AGBL1: variants seen among roughly 807,000 people sequenced by gnomAD.
AGBL1 encodes AGBL carboxypeptidase 1, also known as cytosolic carboxypeptidase 4.
Under a neutral mutation model 118.9 loss-of-function variants are expected in AGBL1, and 130 were observed. The observed-to-expected ratio is 1.09, with a 90% CI of 0.95 to 1.26. AGBL1 has a LOEUF of 1.26. Ranked by LOEUF, AGBL1 falls within the 50% of genes most tolerant of loss-of-function variation. The pLI, the probability that AGBL1 is intolerant of heterozygous loss-of-function variation, is 0.00. For synonymous variants in AGBL1, 555 were observed against 478.9 expected (o/e 1.16, Z -2.08); for missense variants, 1,584 against 1,298.1 (o/e 1.22, Z -3.38).
intron 22 of AGBL1, among the ~76,000 whole-genome samples, chr15:86,735,196 C>T (rs556063973): frequency 6.6e-6 from 1 of 152,166 alleles, no homozygotes; most frequent in African/African-American, 2.4e-5. Flanking sequence ...ATTCTCCTGC[C>T]TCAACTTCCC....
rs199936794 is a variant in AGBL1 at position 86,616,339 on chromosome 15, C to CAAAAA, written c.2995-57905_2995-57901dup. ...GTGACAGAGCAAGACTCCTCCACTTCAAAAAAAAAAAAAAAAAAAAAAAAA... is the reference window on the plus strand; with the variant it reads ...GTGACAGAGCAAGACTCCTCCACTTCAAAAAAAAAAAAAAAAAAAAAAAAAAAAAA... On this transcript the variant is annotated intron_variant, in intron 21 of 22. Coordinates refer to ENST00000614907, the MANE Select transcript of AGBL1 (RefSeq NM_001386094.1). 3.7e-4 allele frequency among the ~76,000 whole-genome samples: 18 copies of CAAAAA among 49,294 alleles called. 1 individual carries two copies. Among genetic ancestry groups the CAAAAA allele is most frequent in the Middle Eastern group, 0.013 (1 of 76 alleles). The allele number at this position is 49,294 out of a possible 152,430, so 32.3% of individuals were successfully genotyped here. A position where few individuals can be genotyped will look rare whatever the true frequency, so the allele number is the denominator to read the frequency against.
downstream of AGBL1, among the ~76,000 whole-genome samples, chr15:86,920,882 G>A (rs183118906): frequency 2.6e-5 from 4 of 152,274 alleles, no homozygotes; most frequent in East Asian, 7.7e-4. Context: ...GCTGGGATGT[G>A]AACATGGTGT....
intron 22 of AGBL1, among the ~76,000 whole-genome samples, chr15:86,854,855 C>T (rs980284743): frequency 6.6e-6 from 1 of 152,142 alleles, no homozygotes; most frequent in African/African-American, 2.4e-5. Flanking sequence ...TTTGATGATT[C>T]GCATGAAAAA....
rs1405989457 is a variant in AGBL1, at chr15:86,913,274, T to A, written c.*5980T>A. The A allele has an allele frequency of 6.6e-6, 1 of 151,900 alleles. No homozygotes were observed. The highest frequency in any genetic ancestry group is 6.6e-5 in the Admixed American group (1 of 15,228). 9.4% of individuals were successfully genotyped at this position (151,900 alleles called of 1,614,324 possible). Reference sequence around the variant, plus strand: ...ACAATGAGTGAGGGAAGGTTGATCCTCAGACACATGACACATGTTCATACA... The same window carrying A: ...ACAATGAGTGAGGGAAGGTTGATCCACAGACACATGACACATGTTCATACA... On this transcript the variant is annotated 3_prime_UTR_variant, in exon 23 of 23. Transcript: ENST00000614907.
intron 17 of AGBL1, among the ~76,000 whole-genome samples, chr15:86,338,947 A>G (rs1165962392): frequency 6.6e-6 from 1 of 152,178 alleles, no homozygotes; most frequent in Non-Finnish European, 1.5e-5. Context: ...GTAACCCTCT[A>G]CTAGAGGGTT....
chr15:86,496,682 C>T (rs2082859335), intron 18 of AGBL1, among the ~76,000 whole-genome samples: 1 of 151,728 alleles, frequency 6.6e-6, no homozygotes, highest in Non-Finnish European at 1.5e-5. Context: ...AGTTTGGAAG[C>T]TACTAATTAT....
At chr15:86,156,469 T>G (rs1455097072) in intron 4 of AGBL1, among the ~76,000 whole-genome samples, 1 of 152,188 alleles carries the variant, frequency 6.6e-6, no homozygotes, top group Non-Finnish European at 1.5e-5. Context: ...CTAAAGGCCC[T>G]ATCTCCAGAT....
intron 18 of AGBL1, among the ~76,000 whole-genome samples, chr15:86,448,724 A>G (rs1044882651): frequency 5.3e-5 from 8 of 152,154 alleles, no homozygotes; most frequent in African/African-American, 1.9e-4. Context: ...GGCCAGGTAG[A>G]CACAAGAATA....
At chr15:86,880,985 C>T (rs534329625) in intron 22 of AGBL1, among the ~76,000 whole-genome samples, 14 of 152,228 alleles carry the variant, frequency 9.2e-5, no homozygotes, top group Non-Finnish European at 1.9e-4. Flanking sequence ...ACACCCAGCC[C>T]TGAGCCTGCC....
chr15:86,934,148 T>C (rs2080638018), intron 23 of AGBL1, among the ~76,000 whole-genome samples: 1 of 152,188 alleles, frequency 6.6e-6, no homozygotes. Flanking sequence ...GTCAGAATTA[T>C]GATAAACAGC....
chr15:86,141,405 C>A (rs557938198), intron 1 of AGBL1, among the ~76,000 whole-genome samples: 1 of 152,192 alleles, frequency 6.6e-6, no homozygotes, highest in South Asian at 2.1e-4. Flanking sequence ...GCCTGTAATC[C>A]CTTTGGGAGG....
At chr15:86,192,949 C>T (rs972851829) in intron 5 of AGBL1, among the ~76,000 whole-genome samples, 3 of 152,048 alleles carry the variant, frequency 2.0e-5, no homozygotes, top group Admixed American at 2.0e-4. Flanking sequence ...ATTGAAAGCA[C>T]ACATAAGCAC....
intron 21 of AGBL1, among the ~76,000 whole-genome samples, chr15:86,653,454 C>T (rs527744080): frequency 7.2e-5 from 11 of 152,274 alleles, no homozygotes; most frequent in African/African-American, 2.4e-4. Context: ...AAACACGCCA[C>T]CAATAATCCA....
chr15:86,138,701 T>C (rs1300584569), intron 1 of AGBL1, among the ~76,000 whole-genome samples: 3 of 152,234 alleles, frequency 2.0e-5, no homozygotes, highest in South Asian at 2.1e-4. Context: ...TTTTCTCATC[T>C]CCTCATTTTC....
intron 5 of AGBL1, among the ~76,000 whole-genome samples, chr15:86,162,953 C>T (rs546309627): frequency 1.3e-5 from 2 of 152,356 alleles, no homozygotes; most frequent in Admixed American, 1.3e-4. Context: ...CTACTCTCCT[C>T]AAACATCCTC....
intron 22 of AGBL1, among the ~76,000 whole-genome samples, chr15:86,898,960 C>A (rs995612105): frequency 3.3e-5 from 5 of 152,120 alleles, no homozygotes; most frequent in African/African-American, 9.7e-5. Flanking sequence ...TTAGTTCAAC[C>A]ATTGAGGAAA....
At chr15:86,093,752 T>A (rs1445950835) in intron 1 of AGBL1, among the ~76,000 whole-genome samples, 1 of 152,144 alleles carries the variant, frequency 6.6e-6, no homozygotes, top group Non-Finnish European at 1.5e-5. Context: ...TAATTGAACA[T>A]GCTGAAGGGC....
At chr15:86,241,368 T>G (rs2078639140) in intron 6 of AGBL1, among the ~76,000 whole-genome samples, 1 of 152,250 alleles carries the variant, frequency 6.6e-6, no homozygotes, top group South Asian at 2.1e-4. Context: ...TATAATGGAC[T>G]TGTAAGAATG....
intron 22 of AGBL1, among the ~76,000 whole-genome samples, chr15:86,702,417 T>G (rs2086376302): frequency 6.6e-6 from 1 of 152,148 alleles, no homozygotes; most frequent in South Asian, 2.1e-4. Flanking sequence ...TCTAGATATA[T>G]AGTAGGTGCT....
Sources: gnomAD v4.1 joint callset for allele counts (sites outside exome capture counted in the v4.1 genomes callset) on GRCh38, gnomAD v4.1.1 for gene constraint, MANE v1.5 for transcripts, NCBI Gene and HGNC (gene_info 2026-07-23, HGNC 2026-07-21) for gene names.